Variants in MGAT4C observed in about 807,000 individuals in gnomAD.
MGAT4C encodes the protein MGAT4 family member C.
In MGAT4C, 19 loss-of-function variants were observed where a neutral mutation model predicts 40.1. The ratio of observed to expected loss-of-function variants is 0.47; its 90% CI spans 0.33 to 0.70. MGAT4C has a LOEUF of 0.70. MGAT4C is among the 30% of genes least tolerant of loss of function. The probability of loss-of-function intolerance (pLI) is 0.02; values close to 1 mark genes in which losing one functional copy is unlikely to be tolerated. For missense variants in MGAT4C, 491 were observed against 563.2 expected (o/e 0.87, Z 1.30); for synonymous variants, 181 against 187.1 (o/e 0.97, Z 0.27).
At chr12:86,203,836 A>G (rs909299976) in intron 1 of MGAT4C, among the ~76,000 whole-genome samples, 1 of 151,776 alleles carries the variant, frequency 6.6e-6, no homozygotes, top group Non-Finnish European at 1.5e-5. Context: ...GCAGGCCTGT[A>G]ATCCCAGCTA....
chr12:86,473,212 C>T (rs950503611), intron 2 of MGAT4C, among the ~76,000 whole-genome samples: 4 of 152,164 alleles, frequency 2.6e-5, no homozygotes, highest in African/African-American at 4.8e-5. Context: ...CTGCCTCAGC[C>T]TCCCAAAGTG....
At chr12:86,535,773 G>GT (rs890307320) in intron 2 of MGAT4C, among the ~76,000 whole-genome samples, 96 of 152,166 alleles carry the variant, frequency 6.3e-4, no homozygotes, top group South Asian at 6.2e-4. Flanking sequence ...TGAATTTGGA[G>GT]TTTGGGATTA....
At chr12:86,822,773 A>G (rs1324070496) in intron 1 of MGAT4C, among the ~76,000 whole-genome samples, 1 of 151,144 alleles carries the variant, frequency 6.6e-6, no homozygotes, top group Non-Finnish European at 1.5e-5. Flanking sequence ...CCACACAAAA[A>G]ATCAGTAGAT....
At chr12:86,282,002 C>T (rs756218212) in intron 4 of MGAT4C, among the ~76,000 whole-genome samples, 4 of 152,060 alleles carry the variant, frequency 2.6e-5, no homozygotes, top group Non-Finnish European at 4.4e-5. Flanking sequence ...CTTCTGCCTG[C>T]TTTAAAATTT....
intron 1 of MGAT4C, among the ~76,000 whole-genome samples, chr12:86,190,186 G>A (rs1252083815): frequency 6.6e-6 from 1 of 151,940 alleles, no homozygotes; most frequent in Non-Finnish European, 1.5e-5. Flanking sequence ...CAATATTATA[G>A]GGTTGATAGC....
intron 1 of MGAT4C, among the ~76,000 whole-genome samples, chr12:86,063,196 C>G (rs1446618487): frequency 6.6e-6 from 1 of 152,080 alleles, no homozygotes; most frequent in Non-Finnish European, 1.5e-5. Flanking sequence ...ATCATACAAG[C>G]CAGAAGACAG....
chr12:86,767,474 C>T (rs533952228), intron 1 of MGAT4C, among the ~76,000 whole-genome samples: 100 of 152,234 alleles, frequency 6.6e-4, no homozygotes, highest in Non-Finnish European at 1.0e-3. Flanking sequence ...TGAAACTATT[C>T]CAATCAATAG....
At chr12:86,209,592 T>A (rs1384914645) in intron 1 of MGAT4C, among the ~76,000 whole-genome samples, 1 of 152,172 alleles carries the variant, frequency 6.6e-6, no homozygotes, top group Non-Finnish European at 1.5e-5. Flanking sequence ...CATCTTCATA[T>A]TTAATCAAAC....
At chr12:86,553,850 G>A (rs1270614695) in intron 2 of MGAT4C, among the ~76,000 whole-genome samples, 1 of 152,030 alleles carries the variant, frequency 6.6e-6, no homozygotes, top group Non-Finnish European at 1.5e-5. Context: ...ATAAATATAT[G>A]AATACCTGCC....
intron 2 of MGAT4C, among the ~76,000 whole-genome samples, chr12:86,467,934 A>C (rs1447787236): frequency 2.0e-5 from 3 of 152,122 alleles, no homozygotes; most frequent in Non-Finnish European, 4.4e-5. Flanking sequence ...AGGGTTATTT[A>C]ATTTGAATTA....
At chr12:86,005,679 C>T (rs1592666831) in intron 2 of MGAT4C, among the ~76,000 whole-genome samples, 1 of 152,162 alleles carries the variant, frequency 6.6e-6, no homozygotes, top group South Asian at 2.1e-4. Context: ...ATGGCTAGTT[C>T]TTGGCTGGAC....
rs186620285 is a variant in MGAT4C at position 86,021,748 on chromosome 12, A to G, written c.-7+27926T>C. 1.9e-4 allele frequency among the ~76,000 whole-genome samples: 29 copies of G among 152,288 alleles called. No individual in the cohort carries two copies. In the East Asian group the frequency reaches 5.4e-3, roughly 28 times the overall value. On this transcript the variant is annotated intron_variant, in intron 2 of 4. Transcript: ENST00000611864. ...AAACTTAGAGTATAATAATAATAAAAAAGACATAATACATAAGATGATTAT... is the reference window on the plus strand; with the variant it reads ...AAACTTAGAGTATAATAATAATAAAGAAGACATAATACATAAGATGATTAT...
At chr12:86,767,470 T>G (rs1951534369) in intron 1 of MGAT4C, among the ~76,000 whole-genome samples, 1 of 152,172 alleles carries the variant, frequency 6.6e-6, no homozygotes, top group Admixed American at 6.5e-5. Flanking sequence ...CTTCTGAAAC[T>G]ATTCCAATCA....
At chr12:86,447,906 A>C (rs1421015084) in intron 2 of MGAT4C, among the ~76,000 whole-genome samples, 1 of 152,130 alleles carries the variant, frequency 6.6e-6, no homozygotes, top group Non-Finnish European at 1.5e-5. Context: ...TACAAGTGTC[A>C]CTATGGCTGA....
chr12:86,509,673 T>C (rs1285513857), intron 2 of MGAT4C, among the ~76,000 whole-genome samples: 4 of 152,312 alleles, frequency 2.6e-5, no homozygotes, highest in African/African-American at 7.2e-5. Context: ...TTTCATGATA[T>C]TGATTCTTCC....
At position 85,972,217 on chromosome 12, in the gene MGAT4C, G is replaced by A. The variant is rs1230104359; in HGVS notation, c.*7072C>T. 1.3e-5 allele frequency: 2 copies of A among 151,080 alleles called. No homozygotes were observed. Among genetic ancestry groups the A allele is most frequent in the African/African-American group, 2.4e-5 (1 of 41,334 alleles). 9.4% of individuals were successfully genotyped at this position (151,080 alleles called of 1,614,324 possible). On this transcript the variant is annotated 3_prime_UTR_variant, in exon 5 of 5. Coordinates refer to ENST00000611864, the MANE Select transcript of MGAT4C (RefSeq NM_001351288.2). ...AAAGATGCCACATGCAACAGAAAAT[G>A]TGTCTAATTATGTTTGTTTTAGAGC...
chr12:86,447,300 T>C (rs961124448), intron 2 of MGAT4C, among the ~76,000 whole-genome samples: 1 of 152,136 alleles, frequency 6.6e-6, no homozygotes, highest in African/African-American at 2.4e-5. Flanking sequence ...TAATTTTGTA[T>C]TTTTAGTAGA....
chr12:86,014,075 T>G (rs1888807465), intron 2 of MGAT4C, among the ~76,000 whole-genome samples: 1 of 152,166 alleles, frequency 6.6e-6, no homozygotes, highest in South Asian at 2.1e-4. Context: ...TTTGGTAGGC[T>G]CAGTTTTCTC....
intron 1 of MGAT4C, among the ~76,000 whole-genome samples, chr12:86,185,662 C>A (rs183928381): frequency 2.6e-5 from 4 of 152,254 alleles, no homozygotes; most frequent in Admixed American, 2.0e-4. Flanking sequence ...GACTTGAAAT[C>A]AGCAATTAAC....
Sources: allele counts gnomAD v4.1 joint callset (sites outside exome capture counted in the v4.1 genomes callset), GRCh38; gene constraint gnomAD v4.1.1; transcripts MANE v1.5; gene names NCBI Gene and HGNC (gene_info 2026-07-23, HGNC 2026-07-21).